The following ABCC10 variants were observed in gnomAD, a reference collection of about 807,000 sequenced individuals.
The protein encoded by ABCC10 is ATP-binding cassette sub-family C member 10.
In ABCC10, 110 loss-of-function variants were observed where a neutral mutation model predicts 143.2. That is an observed-to-expected ratio of 0.77 (90% confidence interval 0.66 to 0.90). The LOEUF is 0.90. ABCC10 is among the 40% of genes least tolerant of loss of function. The pLI is 0.00. For missense variants in ABCC10, 1,700 were observed against 1,900.5 expected (o/e 0.89, Z 1.96); for synonymous variants, 805 against 846.7 (o/e 0.95, Z 0.85).
chr6:43,444,056 A>G (rs1782757514), intron 11 of ABCC10, 46 bp downstream of exon 11: 2 of 1,608,476 alleles, frequency 1.2e-6, no homozygotes, highest in East Asian at 2.2e-5. Context: ...TCCCTGCCAC[A>G]CTGTAGAGCT....
rs1581718995 is a variant in ABCC10 at position 43,434,918 on chromosome 6, C to CAGCGAAG, written c.1608+70_1608+71insAGCGAAG. On this transcript the variant is annotated intron_variant, in intron 4 of 21. Coordinates refer to ENST00000372530, the MANE Select transcript of ABCC10 (RefSeq NM_001198934.2). The stretch of plus-strand genomic sequence containing the variant: ...CGAAGTGAAGACAGAGGCTTGGGCC[C>CAGCGAAG]TCAGTGCTGGCTGAGAAGGAGGGAG... 38 of 1,508,928 alleles carry CAGCGAAG rather than the reference C, an allele frequency of 2.5e-5. No individual in the cohort carries two copies. In the East Asian group the frequency reaches 8.7e-4, roughly 34 times the overall value. 93.5% of individuals were successfully genotyped at this position (1,508,928 alleles called of 1,614,324 possible).
chr6:43,451,853 C>A, downstream of ABCC10: 2 of 1,538,112 alleles, frequency 1.3e-6, no homozygotes, highest in East Asian at 2.3e-5. This position sits in a 1 kb window ranked among gnomAD's most constrained non-coding sequence, Gnocchi z 4.4. Flanking sequence ...CTCAGTCCCC[C>A]ACCCTCCCAA....
intron 14 of ABCC10, 83 bp downstream of exon 14, chr6:43,445,397 G>A: frequency 1.4e-6 from 2 of 1,472,634 alleles, no homozygotes; most frequent in Non-Finnish European, 1.8e-6. Context: ...CTCCACTGGG[G>A]ATGGGAGAGT....
At chr6:43,449,644 C>A (rs573982154) in intron 21 of ABCC10, 110 bp downstream of exon 21, 2 of 921,930 alleles carry the variant, frequency 2.2e-6, no homozygotes, top group Admixed American at 2.7e-5. Flanking sequence ...TCCTGCCCCC[C>A]CAGATCTCAG....
intron 15 of ABCC10, 24 bp downstream of exon 15, chr6:43,445,966 G>A: frequency 6.3e-7 from 1 of 1,598,310 alleles, no homozygotes. Context: ...AGCCCAGGGG[G>A]ATGAGGTGTT....
In ABCC10 at chr6:43,434,837, A is replaced by G. The variant is rs1265214998; in HGVS notation, c.1597A>G (p.Thr533Ala). 1 of 1,613,882 alleles carries G rather than the reference A, an allele frequency of 6.2e-7. No homozygotes were observed. Among genetic ancestry groups the G allele is most frequent in the South Asian group, 1.1e-5 (1 of 91,084 alleles). ...CTATGTCCTCATGGGGCACCAGCTC[A>G]CTGCCACCAAGGTGAGGACCAGGAA... ...ITYVLMGHQL[T>A]ATKVFTALAL... Residue 533 changes from threonine to alanine, a missense_variant, in exon 4 of 22, where the codon ACT becomes GCT. Transcript: ENST00000372530.
intron 11 of ABCC10, 60 bp from the exon 12 acceptor site, chr6:43,444,099 A>G (rs1332633329): frequency 1.9e-6 from 3 of 1,608,980 alleles, no homozygotes; most frequent in East Asian, 2.2e-5. Flanking sequence ...CCTCTGAAAT[A>G]CTGAGTTTTC....
intron 11 of ABCC10, 74 bp downstream of exon 11, chr6:43,444,084 C>T: frequency 1.2e-6 from 2 of 1,609,234 alleles, no homozygotes; most frequent in Non-Finnish European, 1.7e-6. Flanking sequence ...CAACGGCTGC[C>T]CGCTCCTCTG....
In ABCC10 at chr6:43,446,390, T is replaced by C; in HGVS notation, c.3488T>C (p.Val1163Ala). ...CTACAGCTCATGGGGGCGGCAGTGG[T>C]CAGCGCTATCGCAGGCATCGCTCTG... ...IRLQLMGAAV[V>A]SAIAGIALVQ... The change falls in exon 16 of 22, where the codon GTC becomes GCC. Residue 1163 changes from valine (V) to alanine (A), a missense_variant. Coordinates refer to ENST00000372530, the MANE Select transcript of ABCC10 (RefSeq NM_001198934.2). 1.2e-6 allele frequency: 2 copies of C among 1,613,132 alleles called. No individual in the cohort carries two copies. Among genetic ancestry groups the C allele is most frequent in the Non-Finnish European group, 1.7e-6 (2 of 1,179,896 alleles).
intron 3 of ABCC10, among the ~76,000 whole-genome samples, chr6:43,433,597 A>T (rs1242957355): frequency 6.6e-6 from 1 of 152,252 alleles, no homozygotes; most frequent in Non-Finnish European, 1.5e-5. Context: ...TGAGAATAGT[A>T]GTAGCTTACC....
In ABCC10 at chr6:43,450,169, T is replaced by A; in HGVS notation, c.*78T>A. The A allele has an allele frequency of 6.8e-7, 1 of 1,467,310 alleles. No homozygotes were observed. Among genetic ancestry groups the A allele is most frequent in the Non-Finnish European group, 9.2e-7 (1 of 1,087,540 alleles). 90.9% of individuals were successfully genotyped at this position (1,467,310 alleles called of 1,614,324 possible). ...CTATACAGAGGTGCTGGCTGCTTGT[T>A]TACATTCTCCTCTGGGGCTCTACCT... On this transcript the variant is annotated 3_prime_UTR_variant, in exon 22 of 22. Coordinates refer to ENST00000372530, the MANE Select transcript of ABCC10 (RefSeq NM_001198934.2). The surrounding 1 kb of genome is among the most constrained non-coding windows in gnomAD (Gnocchi z 4.5).
chr6:43,451,072 G>A (rs1783703036), downstream of ABCC10: 19 of 1,614,102 alleles, frequency 1.2e-5, no homozygotes, highest in Non-Finnish European at 1.5e-5. The surrounding 1 kb of genome is among the most constrained non-coding windows in gnomAD (Gnocchi z 4.4). Context: ...GTGCAGAAGC[G>A]TCCAGCAAAG....
chr6:43,438,678 C>T lies in ABCC10; in HGVS notation c.2010C>T (p.Thr670=), dbSNP rs1398982392. Residue 670 remains threonine (T), a synonymous_variant, in exon 8 of 22, where the codon ACC becomes ACT. Coordinates refer to ENST00000372530, the MANE Select transcript of ABCC10 (RefSeq NM_001198934.2). ...RGLSKGFGLA[T]QEPWIQFATI... is the part of the protein sequence containing the mutation. ...TGTCCAAGGGCTTTGGCCTGGCCAC[C>T]CAGGAACCCTGGATCCAGTTTGCCA... 6.2e-7 allele frequency: 1 copy of T among 1,614,194 alleles called. No homozygotes were observed. Among genetic ancestry groups the T allele is most frequent in the Non-Finnish European group, 8.5e-7 (1 of 1,180,028 alleles).
chr6:43,435,022 C>T (rs1001539913), intron 4 of ABCC10, 174 bp downstream of exon 4: 1 of 637,320 alleles, frequency 1.6e-6, no homozygotes, highest in Non-Finnish European at 2.7e-6. Flanking sequence ...ATATAACCCT[C>T]CCCTCTGTGA....
At chr6:43,428,195 C>T (rs1780711447) in intron 2 of ABCC10, 56 bp downstream of exon 2, 3 of 1,451,762 alleles carry the variant, frequency 2.1e-6, no homozygotes, top group South Asian at 1.4e-5. Context: ...ATCTCACCCG[C>T]GGCCTACATC....
chr6:43,438,333 T>G (rs1562182396), intron 7 of ABCC10: 1 of 1,411,480 alleles, frequency 7.1e-7, no homozygotes, highest in Non-Finnish European at 9.2e-7. Context: ...GACCTTGTTT[T>G]CAGATGGGAA....
chr6:43,449,657 C>G, intron 21 of ABCC10, 123 bp downstream of exon 21: 2 of 854,668 alleles, frequency 2.3e-6, no homozygotes, highest in South Asian at 3.5e-5. Flanking sequence ...GATCTCAGCT[C>G]CTCCTTCTCC....
rs771254427 is a variant in ABCC10 at position 43,427,958 on chromosome 6, T to C, written c.-11-10T>C. 3 of 1,611,860 alleles carry C rather than the reference T, an allele frequency of 1.9e-6. No individual in the cohort carries two copies. Among genetic ancestry groups the C allele is most frequent in the Non-Finnish European group, 2.5e-6 (3 of 1,179,450 alleles). ...CCCTGCACAGCCGTCACCCTCAACT[T>C]TCCCTTCAGGTGAGGCGTCCATGGA... On this transcript the variant is annotated splice_polypyrimidine_tract_variant and intron_variant, in intron 1 of 21. Coordinates refer to ENST00000372530, the MANE Select transcript of ABCC10 (RefSeq NM_001198934.2).
chr6:43,451,352 C>G, downstream of ABCC10: 2 of 1,502,478 alleles, frequency 1.3e-6, no homozygotes, highest in South Asian at 2.6e-5. This position sits in a 1 kb window ranked among gnomAD's most constrained non-coding sequence, Gnocchi z 4.4. Flanking sequence ...ATCCTGACCA[C>G]TGCCCGCCAT....
Sources: gnomAD v4.1 joint callset for allele counts (sites outside exome capture counted in the v4.1 genomes callset) on GRCh38, gnomAD v4.1.1 for gene constraint, Gnocchi (gnomAD v3.1) non-coding constraint, MANE v1.5 for transcripts, NCBI Gene and HGNC (gene_info 2026-07-23, HGNC 2026-07-21) for gene names.